The following P4HA1 variants were observed in gnomAD, a reference collection of about 807,000 sequenced individuals.
P4HA1 encodes prolyl 4-hydroxylase subunit alpha 1, also known as prolyl 4-hydroxylase subunit alpha-1.
A neutral mutation model predicts 72.8 loss-of-function variants in P4HA1; 24 were observed. That is an observed-to-expected ratio of 0.33 (90% CI 0.24 to 0.46). The LOEUF (loss-of-function observed/expected upper bound fraction) is 0.46, where lower values mean the gene tolerates loss of function less well. P4HA1 is among the 20% of genes least tolerant of loss of function. The probability of loss-of-function intolerance (pLI) is 1.00; values close to 1 mark genes in which losing one functional copy is unlikely to be tolerated. For missense variants in P4HA1, 446 were observed against 640.6 expected, an observed-to-expected ratio of 0.70 and a Z score of 3.28; for synonymous variants, 201 against 218.8, an observed-to-expected ratio of 0.92 and a Z score of 0.72.
intron 10 of P4HA1, among the ~76,000 whole-genome samples, chr10:73,025,641 G>C (rs1011560546): frequency 2.0e-5 from 3 of 151,890 alleles, no homozygotes; most frequent in Non-Finnish European, 4.4e-5. Flanking sequence ...AGAAATAAAG[G>C]GTATTCAATT....
At chr10:73,090,061 T>C (rs1490003218) in intron 1 of P4HA1, among the ~76,000 whole-genome samples, 1 of 152,186 alleles carries the variant, frequency 6.6e-6, no homozygotes, top group Non-Finnish European at 1.5e-5. Context: ...CTTGAACTTC[T>C]GGGCTCAAGC....
intron 9 of P4HA1, among the ~76,000 whole-genome samples, chr10:73,031,970 C>T (rs1481502139): frequency 6.6e-6 from 1 of 152,156 alleles, no homozygotes; most frequent in East Asian, 1.9e-4. Context: ...CTGGCAAAAA[C>T]AATCCTGGAT....
intron 3 of P4HA1, among the ~76,000 whole-genome samples, chr10:73,073,073 G>A (rs894478258): frequency 9.3e-5 from 14 of 150,930 alleles, no homozygotes; most frequent in Admixed American, 8.6e-4. Flanking sequence ...GGGAGGCTGA[G>A]GCAAGAGAAT....
rs146757830 is a variant in P4HA1, at chr10:73,083,339, G to T, written c.-32-8424C>A. On this transcript the variant is annotated intron_variant, in intron 1 of 14. Coordinates refer to ENST00000394890, the MANE Select transcript of P4HA1 (RefSeq NM_001017962.3). ...TTTCTATCACAAATTCAGAAATCAC[G>T]CTAGCTTCTTTCCCTCACTTTCTGT... Among the ~76,000 whole-genome samples the T allele has an allele frequency of 1.8e-3, 272 of 152,236 alleles. 3 individuals are homozygous for T. Among genetic ancestry groups the T allele is most frequent in the African/African-American group, 6.2e-3 (258 of 41,540 alleles).
At chr10:73,075,885 A>G (rs1202865992) in intron 1 of P4HA1, among the ~76,000 whole-genome samples, 1 of 151,948 alleles carries the variant, frequency 6.6e-6, no homozygotes, top group Non-Finnish European at 1.5e-5. Flanking sequence ...TTTTTCCTAT[A>G]TAGCTTAACT....
intron 1 of P4HA1, among the ~76,000 whole-genome samples, chr10:73,075,882 T>C (rs559686430): frequency 2.0e-5 from 3 of 152,202 alleles, no homozygotes; most frequent in South Asian, 4.1e-4. Flanking sequence ...ATCTTTTTCC[T>C]ATATAGCTTA....
At chr10:73,058,105 AAAAAAAAAAAAAAAG>A (rs963955258) in intron 5 of P4HA1, among the ~76,000 whole-genome samples, 1 of 150,368 alleles carries the variant, frequency 6.7e-6, no homozygotes, top group African/African-American at 2.4e-5. Context: ...AAAAAAAAAA[AAAAAAAAAAAAAAAG>A]GTGAATAAAG....
chr10:73,096,411 G>C (rs905159649), intron 1 of P4HA1, among the ~76,000 whole-genome samples: 2 of 151,882 alleles, frequency 1.3e-5, no homozygotes, highest in African/African-American at 4.8e-5. Context: ...ACCAGGTGCA[G>C]GGGAACTTGG....
chr10:73,087,891 A>G lies in P4HA1; in HGVS notation c.-33+8875T>C, dbSNP rs756714381. Among the ~76,000 whole-genome samples, 37 of 152,310 alleles carry G rather than the reference A, an allele frequency of 2.4e-4. No individual in the cohort carries two copies. In the Middle Eastern group the frequency reaches 0.01, roughly 42 times the overall value. ...TTATTCTCTCAACAGTGTGTTTGGAAGAGCAGAATTTCTTAATTTTGATGA... is the reference window on the plus strand; with the variant it reads ...TTATTCTCTCAACAGTGTGTTTGGAGGAGCAGAATTTCTTAATTTTGATGA... On this transcript the variant is annotated intron_variant, in intron 1 of 14. Transcript: ENST00000394890.
At chr10:73,059,347 C>T (rs1365183717) in intron 5 of P4HA1, among the ~76,000 whole-genome samples, 7 of 141,894 alleles carry the variant, frequency 4.9e-5, no homozygotes, top group Non-Finnish European at 7.6e-5. Flanking sequence ...CCTGACACTT[C>T]GGGAGGCCAA....
intron 1 of P4HA1, among the ~76,000 whole-genome samples, chr10:73,095,227 T>TAAAAAAAAAAA: frequency 1.5e-5 from 1 of 67,314 alleles, no homozygotes; most frequent in Non-Finnish European, 3.6e-5. Context: ...GCTCACAAGC[T>TAAAAAAAAAAA]AAAAAAAAAA....
chr10:73,084,369 T>G (rs189797913), intron 1 of P4HA1, among the ~76,000 whole-genome samples: 1 of 152,342 alleles, frequency 6.6e-6, no homozygotes, highest in East Asian at 1.9e-4. Flanking sequence ...CACAGCTGAC[T>G]ACAGCCTCGA....
chr10:73,092,974 C>T (rs1430096970), intron 1 of P4HA1, among the ~76,000 whole-genome samples: 1 of 151,686 alleles, frequency 6.6e-6, no homozygotes, highest in African/African-American at 2.4e-5. Context: ...AAAAAATTAG[C>T]TAGACATGGT....
chr10:73,037,202 A>G (rs901245047), intron 9 of P4HA1, among the ~76,000 whole-genome samples: 18 of 151,896 alleles, frequency 1.2e-4, no homozygotes, highest in Non-Finnish European at 1.9e-4. Flanking sequence ...TAAATAGCCC[A>G]AAGTATGTTC....
At chr10:73,039,854 CTT>C (rs765288935) in intron 9 of P4HA1, among the ~76,000 whole-genome samples, 39 of 86,990 alleles carry the variant, frequency 4.5e-4, no homozygotes, top group East Asian at 3.6e-3. Flanking sequence ...CTGAGATGGC[CTT>C]TTTTTTTTTT....
rs181382648 is a variant in P4HA1 at position 73,062,637 on chromosome 10, T to A, written c.463+6209A>T. 2.8e-4 allele frequency among the ~76,000 whole-genome samples: 42 copies of A among 152,326 alleles called. No individual in the cohort carries two copies. In the East Asian group the frequency reaches 7.9e-3, roughly 29 times the overall value. On this transcript the variant is annotated intron_variant, in intron 5 of 14. Coordinates refer to ENST00000394890, the MANE Select transcript of P4HA1 (RefSeq NM_001017962.3). ...GGTAGAGAAACAAACACAACAGTGGTTTCTTTAATAAATTTTGATTGAATA... is the reference window on the plus strand; with the variant it reads ...GGTAGAGAAACAAACACAACAGTGGATTCTTTAATAAATTTTGATTGAATA...
At chr10:73,093,536 T>A (rs1842080575) in intron 1 of P4HA1, among the ~76,000 whole-genome samples, 1 of 151,908 alleles carries the variant, frequency 6.6e-6, no homozygotes, top group Non-Finnish European at 1.5e-5. Flanking sequence ...ATAAATTTTC[T>A]TGAATAGAAA....
intron 10 of P4HA1, among the ~76,000 whole-genome samples, chr10:73,029,199 G>T (rs1840370268): frequency 6.6e-6 from 1 of 151,944 alleles, no homozygotes; most frequent in Admixed American, 6.6e-5. Flanking sequence ...ATCACTTGAG[G>T]TCAGGAGTTC....
intron 7 of P4HA1, among the ~76,000 whole-genome samples, chr10:73,049,666 G>T (rs1349404379): frequency 1.3e-5 from 2 of 152,008 alleles, no homozygotes; most frequent in African/African-American, 2.4e-5. Context: ...AATAAACAAA[G>T]TAATATTTAT....
Sources: gnomAD v4.1 joint callset for allele counts (sites outside exome capture counted in the v4.1 genomes callset) on GRCh38, gnomAD v4.1.1 for gene constraint, MANE v1.5 for transcripts, NCBI Gene and HGNC (gene_info 2026-07-23, HGNC 2026-07-21) for gene names.